Variants in ASCC3 observed in about 807,000 individuals in gnomAD.
ASCC3 encodes the protein activating signal cointegrator 1 complex subunit 3, also known as ASC-1 complex subunit P200.
ASCC3 carries 158 observed loss-of-function variants against 256.3 expected under a neutral mutation model. The ratio of observed to expected loss-of-function variants is 0.62; its 90% confidence interval spans 0.54 to 0.70. The LOEUF (loss-of-function observed/expected upper bound fraction) is 0.70. ASCC3 is among the 30% of genes least tolerant of loss of function. ASCC3 has a pLI of 0.00. For synonymous variants in ASCC3, 948 were observed against 883.4 expected (o/e 1.07, Z -1.30); for missense variants, 2,259 against 2,626.0 (o/e 0.86, Z 3.05).
intron 1 of ASCC3, among the ~76,000 whole-genome samples, chr6:100,875,369 T>C (rs532882751): frequency 6.6e-6 from 1 of 152,256 alleles, no homozygotes; most frequent in Non-Finnish European, 1.5e-5. Flanking sequence ...TTGGAAAACT[T>C]TAATTATGGG....
intron 13 of ASCC3, among the ~76,000 whole-genome samples, chr6:100,704,893 A>G (rs1007882501): frequency 6.6e-6 from 1 of 152,090 alleles, no homozygotes; most frequent in African/African-American, 2.4e-5. Flanking sequence ...GGAAGTTTCT[A>G]ATTTCTTTTC....
In ASCC3 at chr6:100,584,722, C is replaced by T. The variant is rs554793687; in HGVS notation, c.5550+4912G>A. Among the ~76,000 whole-genome samples, 35 of 151,910 alleles carry T rather than the reference C, an allele frequency of 2.3e-4. 1 individual carries two copies. In the South Asian group the frequency reaches 6.5e-3, roughly 28 times the overall value. On this transcript the variant is annotated intron_variant, in intron 36 of 41. Coordinates refer to ENST00000369162, the MANE Select transcript of ASCC3 (RefSeq NM_006828.4). ...GGCATGATTTTGCAGCGGCTGGTAC[C>T]GGTTTTTCCTTTCCATATTTAGTGC...
At chr6:100,803,642 C>G (rs556539219) in intron 5 of ASCC3, among the ~76,000 whole-genome samples, 9 of 152,226 alleles carry the variant, frequency 5.9e-5, no homozygotes, top group African/African-American at 2.2e-4. Flanking sequence ...AAAGAACAAA[C>G]AGACCTGCAG....
chr6:100,669,417 A>G (rs1776634603), intron 14 of ASCC3, among the ~76,000 whole-genome samples: 1 of 151,274 alleles, frequency 6.6e-6, no homozygotes, highest in Non-Finnish European at 1.5e-5. Context: ...GATAGCCAGG[A>G]TCCATATAAA....
intron 36 of ASCC3, among the ~76,000 whole-genome samples, chr6:100,554,430 C>A (rs957584208): frequency 6.6e-5 from 10 of 152,258 alleles, no homozygotes; most frequent in African/African-American, 1.2e-4. Flanking sequence ...GCTGCCTACA[C>A]TGAACTCACT....
chr6:100,589,622 T>C lies in ASCC3; in HGVS notation c.5550+12A>G, dbSNP rs1426662785. 5 of 1,613,022 alleles carry C rather than the reference T, an allele frequency of 3.1e-6. No homozygotes were observed. Among genetic ancestry groups the C allele is most frequent in the Non-Finnish European group, 4.2e-6 (5 of 1,179,594 alleles). Reference sequence around the variant, plus strand: ...ATTAAAAGAGAAGATATGAAATATATGAAAAACTCACACTTAGAATTGAAA... The same window carrying C: ...ATTAAAAGAGAAGATATGAAATATACGAAAAACTCACACTTAGAATTGAAA... On this transcript the variant is annotated intron_variant, in intron 36 of 41. Coordinates refer to ENST00000369162, the MANE Select transcript of ASCC3 (RefSeq NM_006828.4).
chr6:100,835,065 C>G lies in ASCC3; in HGVS notation c.801+13083G>C, dbSNP rs17061168. Among the ~76,000 whole-genome samples, 1,878 of 151,598 alleles carry G rather than the reference C, an allele frequency of 0.012. 95 individuals are homozygous for G. The East Asian group carries it at 0.14, about 12-fold the overall frequency. The stretch of plus-strand genomic sequence containing the variant: ...AAACCATATAATGCATCAGTGCCTA[C>G]CCAATAAGCCTTCGAGGAAAAAAAA... On this transcript the variant is annotated intron_variant, in intron 4 of 41. Transcript: ENST00000369162.
intron 4 of ASCC3, among the ~76,000 whole-genome samples, chr6:100,829,298 A>C (rs963173568): frequency 6.6e-6 from 1 of 152,000 alleles, no homozygotes; most frequent in Non-Finnish European, 1.5e-5. Context: ...CTCATGGAGG[A>C]GGCTCCGGCC....
chr6:100,702,561 G>A (rs79041341), intron 13 of ASCC3, among the ~76,000 whole-genome samples: 2,340 of 152,176 alleles, frequency 0.015, 24 homozygotes, highest in East Asian at 0.045. Flanking sequence ...TCATAATTGG[G>A]ATGGGATAAA....
At chr6:100,590,111 A>T in intron 34 of ASCC3, 52 bp from the exon 35 acceptor site, 1 of 1,221,922 alleles carries the variant, frequency 8.2e-7, no homozygotes, top group South Asian at 1.2e-5. Context: ...TTTCTACTAA[A>T]ACTATCACCT....
At chr6:100,530,101 T>C (rs988475759) in intron 37 of ASCC3, among the ~76,000 whole-genome samples, 1 of 152,154 alleles carries the variant, frequency 6.6e-6, no homozygotes, top group Non-Finnish European at 1.5e-5. Context: ...TTTGCAAGCA[T>C]AGGTTTCTAG....
At position 100,848,377 on chromosome 6, in the gene ASCC3, G is replaced by A. The variant is rs756245924; in HGVS notation, c.572C>T (p.Thr191Ile). The A allele has an allele frequency of 1.7e-5, 27 of 1,613,682 alleles. No homozygotes were observed. In the African/African-American group the frequency reaches 2.9e-4, roughly 18 times the overall value. The change falls in exon 4 of 42, where the codon ACT becomes ATT. Residue 191 changes from threonine (T) to isoleucine (I), a missense_variant. Coordinates refer to ENST00000369162, the MANE Select transcript of ASCC3 (RefSeq NM_006828.4). ...ELPINGETQK[T>I]ISLDYKKFLN... The stretch of plus-strand genomic sequence containing the variant: ...AAACTTCTTATAATCTAGGCTTATA[G>A]TTTTCTGAGTTTCACCATTTATTGG...
intron 1 of ASCC3, among the ~76,000 whole-genome samples, chr6:100,871,346 G>A (rs547671109): frequency 4.6e-4 from 70 of 152,168 alleles, no homozygotes; most frequent in Admixed American, 1.1e-3. Flanking sequence ...CGCCCGCCTC[G>A]GCCTCCTAAA....
Position 100,518,033 on chromosome 6 carries a change from A to G in ASCC3, c.5885T>C (p.Leu1962Pro). 4 of 1,613,604 alleles carry G rather than the reference A, an allele frequency of 2.5e-6. No individual in the cohort carries two copies. The highest frequency in any genetic ancestry group is 3.4e-6 in the Non-Finnish European group (4 of 1,179,622). The change falls in exon 38 of 42, where the codon CTT becomes CCT. Residue 1962 changes from leucine to proline, a missense_variant. Transcript: ENST00000369162. ...ATGGTTTTCTATGTTTGGTAGTGTA[A>G]GAAGAGAAGAGTCCTTTAACCACCG... ...QGRWLKDSSLLTLPNIENHHL... is the reference protein window; with the variant it reads ...QGRWLKDSSLPTLPNIENHHL...
At chr6:100,756,464 G>A (rs532270436) in intron 10 of ASCC3, among the ~76,000 whole-genome samples, 9 of 152,054 alleles carry the variant, frequency 5.9e-5, no homozygotes, top group African/African-American at 2.2e-4. Context: ...TCACTATTCT[G>A]TGATTATTTT....
intron 30 of ASCC3, among the ~76,000 whole-genome samples, chr6:100,620,030 G>C (rs768920294): frequency 1.3e-5 from 2 of 152,152 alleles, no homozygotes; most frequent in Admixed American, 6.6e-5. Flanking sequence ...TATAGGAAAA[G>C]TAGTGTATGT....
At chr6:100,526,856 TG>T (rs1377088936) in intron 37 of ASCC3, among the ~76,000 whole-genome samples, 1 of 152,170 alleles carries the variant, frequency 6.6e-6, no homozygotes, top group Non-Finnish European at 1.5e-5. Flanking sequence ...GAATGCAGCC[TG>T]AATTAGATTT....
intron 13 of ASCC3, among the ~76,000 whole-genome samples, chr6:100,695,803 C>T (rs7772262): frequency 0.042 from 6,464 of 152,206 alleles, 243 homozygotes; most frequent in East Asian, 0.19. Context: ...TTTGGAGTAC[C>T]TCTCCTGTGG....
intron 37 of ASCC3, among the ~76,000 whole-genome samples, chr6:100,537,848 GA>G (rs1477556589): frequency 6.6e-6 from 1 of 150,416 alleles, no homozygotes; most frequent in Non-Finnish European, 1.5e-5. Context: ...CAATATTTAA[GA>G]AATATAAATA....
Sources: allele counts gnomAD v4.1 joint callset (sites outside exome capture counted in the v4.1 genomes callset), GRCh38; gene constraint gnomAD v4.1.1; transcripts MANE v1.5; gene names NCBI Gene and HGNC (gene_info 2026-07-23, HGNC 2026-07-21).